FER: variants seen among roughly 807,000 people sequenced by gnomAD.
FER encodes the protein tyrosine-protein kinase Fer.
Under a neutral mutation model 111.0 loss-of-function variants are expected in FER, and 63 were observed. That is an observed-to-expected ratio of 0.57 (90% CI 0.46 to 0.70). FER has a LOEUF of 0.70. Among genes scored for constraint, FER ranks in the 30% least tolerant of loss-of-function variants. The pLI, the probability that FER is intolerant of heterozygous loss-of-function variation, is 0.00. For missense variants in FER, 914 were observed against 954.0 expected, an observed-to-expected ratio of 0.96 and a Z score of 0.55; for synonymous variants, 327 against 313.9, an observed-to-expected ratio of 1.04 and a Z score of -0.44.
chr5:109,110,816 T>C (rs138362751), intron 17 of FER, among the ~76,000 whole-genome samples: 249 of 152,200 alleles, frequency 1.6e-3, no homozygotes, highest in Non-Finnish European at 3.0e-3. Flanking sequence ...TTTTAACGTA[T>C]TACTCCATCA....
At chr5:109,150,723 A>G (rs1446056694) in intron 17 of FER, among the ~76,000 whole-genome samples, 1 of 152,182 alleles carries the variant, frequency 6.6e-6, no homozygotes, top group Non-Finnish European at 1.5e-5. Context: ...TGTGATTAAC[A>G]TTCTCCTTGC....
intron 3 of FER, among the ~76,000 whole-genome samples, chr5:108,806,786 C>T (rs982640685): frequency 7.2e-5 from 11 of 152,134 alleles, no homozygotes; most frequent in African/African-American, 2.7e-4. Flanking sequence ...TAGGAAGTAA[C>T]TAAGTTGCTT....
intron 17 of FER, among the ~76,000 whole-genome samples, chr5:109,120,713 T>C (rs1306910630): frequency 1.3e-5 from 2 of 152,142 alleles, no homozygotes; most frequent in African/African-American, 4.8e-5. Context: ...TTTAACAATA[T>C]TGATTCCTTC....
chr5:109,185,551 A>ATATC (rs1018696947), intron 18 of FER, among the ~76,000 whole-genome samples: 5 of 152,180 alleles, frequency 3.3e-5, no homozygotes, highest in Non-Finnish European at 7.4e-5. Context: ...GTAAAAATGT[A>ATATC]TATCTTTTTA....
intron 5 of FER, among the ~76,000 whole-genome samples, chr5:108,849,606 A>G (rs533487742): frequency 1.3e-5 from 2 of 152,294 alleles, no homozygotes; most frequent in South Asian, 2.1e-4. Flanking sequence ...TACCACTATA[A>G]TAACTGTTTT....
intron 14 of FER, among the ~76,000 whole-genome samples, chr5:109,042,018 A>G (rs1374961122): frequency 1.3e-5 from 2 of 152,234 alleles, no homozygotes; most frequent in African/African-American, 2.4e-5. Context: ...AGGAAGTTAA[A>G]GGAAATGATC....
At chr5:109,070,021 G>A (rs780410551) in intron 16 of FER, among the ~76,000 whole-genome samples, 8 of 152,004 alleles carry the variant, frequency 5.3e-5, no homozygotes, top group Non-Finnish European at 1.5e-5. Flanking sequence ...AATCTTAAAC[G>A]TTGAGATTTG....
intron 17 of FER, among the ~76,000 whole-genome samples, chr5:109,164,254 G>A (rs909736053): frequency 1.4e-4 from 21 of 152,102 alleles, no homozygotes; most frequent in Admixed American, 7.9e-4. Flanking sequence ...TAGACCCCAC[G>A]CTGGCATAGT....
intron 2 of FER, among the ~76,000 whole-genome samples, chr5:108,789,492 T>C (rs931720073): frequency 6.6e-6 from 1 of 152,208 alleles, no homozygotes; most frequent in African/African-American, 2.4e-5. Flanking sequence ...TTGCCATTTC[T>C]AAGAAATTTT....
chr5:109,031,223 G>A (rs1164179234), intron 13 of FER, among the ~76,000 whole-genome samples: 6 of 151,994 alleles, frequency 3.9e-5, no homozygotes, highest in African/African-American at 1.4e-4. Context: ...CTGTTGTGGC[G>A]GTAGGATGGA....
At chr5:109,143,564 C>T in intron 17 of FER, among the ~76,000 whole-genome samples, 1 of 152,000 alleles carries the variant, frequency 6.6e-6, no homozygotes, top group South Asian at 2.1e-4. Flanking sequence ...TATCCGTGAA[C>T]CCCATGAAAA....
intron 2 of FER, among the ~76,000 whole-genome samples, chr5:108,787,435 G>A (rs923228777): frequency 2.0e-5 from 3 of 152,172 alleles, no homozygotes; most frequent in Non-Finnish European, 2.9e-5. Flanking sequence ...AGGCAGAAAG[G>A]GGTGGGTCCC....
chr5:108,775,784 G>A (rs1248708554), intron 2 of FER, among the ~76,000 whole-genome samples: 2 of 152,144 alleles, frequency 1.3e-5, no homozygotes, highest in Non-Finnish European at 2.9e-5. Flanking sequence ...GTCAGCATAT[G>A]TTAATTGGTA....
chr5:109,100,354 CA>C, intron 16 of FER, 41 bp from the exon 17 acceptor site: 1 of 1,600,214 alleles, frequency 6.2e-7, no homozygotes, highest in Non-Finnish European at 8.5e-7. Context: ...ATGTGACTTT[CA>C]TCATAACTTT....
At chr5:109,023,533 C>T (rs971853117) in intron 13 of FER, among the ~76,000 whole-genome samples, 2 of 152,008 alleles carry the variant, frequency 1.3e-5, no homozygotes, top group Non-Finnish European at 2.9e-5. Context: ...TGCCTTTTGT[C>T]GGCAGTATTC....
At chr5:108,799,013 C>G (rs1756349979) in intron 3 of FER, among the ~76,000 whole-genome samples, 1 of 152,106 alleles carries the variant, frequency 6.6e-6, no homozygotes, top group African/African-American at 2.4e-5. Context: ...TTTGCACAAA[C>G]TTTAGTTATA....
intron 16 of FER, among the ~76,000 whole-genome samples, chr5:109,069,465 A>G (rs995251989): frequency 2.6e-5 from 4 of 152,194 alleles, no homozygotes; most frequent in African/African-American, 9.6e-5. Context: ...ACTTTCTGAA[A>G]TGTGCTGAGA....
At chr5:108,766,204 T>G (rs907735782) in intron 1 of FER, among the ~76,000 whole-genome samples, 15 of 152,354 alleles carry the variant, frequency 9.8e-5, no homozygotes, top group African/African-American at 3.4e-4. Flanking sequence ...AGTGCTGACA[T>G]TACTGGCATG....
intron 5 of FER, among the ~76,000 whole-genome samples, chr5:108,846,635 T>C (rs1239858740): frequency 6.6e-6 from 1 of 152,108 alleles, no homozygotes; most frequent in Non-Finnish European, 1.5e-5. Flanking sequence ...CAGGCTGGAG[T>C]GCAGTGGCGC....
Sources: allele counts gnomAD v4.1 joint callset (sites outside exome capture counted in the v4.1 genomes callset), GRCh38; gene constraint gnomAD v4.1.1; transcripts MANE v1.5; gene names NCBI Gene and HGNC (gene_info 2026-07-23, HGNC 2026-07-21).